The following CDH18 variants were observed in gnomAD, a reference collection of about 807,000 sequenced individuals.
CDH18 encodes cadherin-18.
A neutral mutation model predicts 67.9 loss-of-function variants in CDH18; 31 were observed. That is an observed-to-expected ratio of 0.46 (90% CI 0.34 to 0.62). The LOEUF (loss-of-function observed/expected upper bound fraction) is 0.62. CDH18 is among the 20% of genes least tolerant of loss of function. The pLI is 0.01. For missense variants in CDH18, 890 were observed against 975.5 expected (o/e 0.91, Z 1.17); for synonymous variants, 362 against 347.2 (o/e 1.04, Z -0.48).
At chr5:20,388,644 CTTTT>C (rs906656161) in intron 1 of CDH18, among the ~76,000 whole-genome samples, 36 of 152,242 alleles carry the variant, frequency 2.4e-4, no homozygotes, top group African/African-American at 8.2e-4. Context: ...TTCTCTAGTT[CTTTT>C]AATTGTGATG....
chr5:20,225,701 G>T (rs539937841), intron 2 of CDH18, among the ~76,000 whole-genome samples: 1 of 152,064 alleles, frequency 6.6e-6, no homozygotes, highest in Non-Finnish European at 1.5e-5. Context: ...GTCAAGTACA[G>T]GAGAGCAAGT....
At chr5:19,496,501 GAATTAATGCCACAGTAA>G (rs1326242724) in intron 11 of CDH18, among the ~76,000 whole-genome samples, 1 of 152,088 alleles carries the variant, frequency 6.6e-6, no homozygotes, top group Admixed American at 6.5e-5. Flanking sequence ...TCCCATGAAG[GAATTAATGCCACAGTAA>G]AAAGGGCTTT....
chr5:20,522,406 G>A (rs995149609), intron 1 of CDH18, among the ~76,000 whole-genome samples: 1 of 152,120 alleles, frequency 6.6e-6, no homozygotes, highest in Non-Finnish European at 1.5e-5. Context: ...TATATGATAA[G>A]AATGAATCTT....
At chr5:19,851,646 T>C (rs1015510252) in intron 2 of CDH18, among the ~76,000 whole-genome samples, 1 of 151,982 alleles carries the variant, frequency 6.6e-6, no homozygotes, top group Non-Finnish European at 1.5e-5. Flanking sequence ...ATTTTATGTC[T>C]CTTGTATACT....
chr5:20,330,728 C>T (rs904756285), intron 1 of CDH18, among the ~76,000 whole-genome samples: 2 of 152,226 alleles, frequency 1.3e-5, no homozygotes, highest in Non-Finnish European at 2.9e-5. Context: ...AAGAATCAGG[C>T]GAGAAGGGAT....
intron 8 of CDH18, among the ~76,000 whole-genome samples, chr5:19,569,539 C>T (rs1741003351): frequency 6.6e-6 from 1 of 151,958 alleles, no homozygotes; most frequent in Admixed American, 6.6e-5. Flanking sequence ...CTATTTCTTC[C>T]CTGGAGTTCA....
chr5:20,511,626 T>C (rs1490629373), intron 1 of CDH18, among the ~76,000 whole-genome samples: 7 of 152,226 alleles, frequency 4.6e-5, no homozygotes, highest in Non-Finnish European at 1.5e-5. Context: ...TATCATATGA[T>C]CACACCTTTC....
At chr5:19,955,273 G>A (rs1796156466) in intron 2 of CDH18, among the ~76,000 whole-genome samples, 3 of 151,968 alleles carry the variant, frequency 2.0e-5, no homozygotes, top group South Asian at 4.1e-4. Flanking sequence ...TATTAGCAGT[G>A]TAAGAAAGAC....
intron 2 of CDH18, among the ~76,000 whole-genome samples, chr5:19,914,526 T>C (rs1423032849): frequency 6.6e-6 from 1 of 152,144 alleles, no homozygotes; most frequent in East Asian, 1.9e-4. Flanking sequence ...ATACTTATAT[T>C]GTACATATAT....
At chr5:19,710,274 T>C (rs748886409) in intron 5 of CDH18, among the ~76,000 whole-genome samples, 1 of 152,202 alleles carries the variant, frequency 6.6e-6, no homozygotes, top group Non-Finnish European at 1.5e-5. Flanking sequence ...AGCATTAATA[T>C]TAGAAATGGT....
At chr5:20,530,607 C>T (rs923037435) in intron 1 of CDH18, among the ~76,000 whole-genome samples, 1 of 151,844 alleles carries the variant, frequency 6.6e-6, no homozygotes, top group African/African-American at 2.4e-5. Context: ...ATCTGATCTC[C>T]AACAAACCTG....
chr5:20,391,602 GATTT>G (rs913549295), intron 1 of CDH18, among the ~76,000 whole-genome samples: 11 of 151,924 alleles, frequency 7.2e-5, no homozygotes, highest in African/African-American at 2.7e-4. Context: ...AAGTTTCACA[GATTT>G]ATTTGCTTTT....
intron 10 of CDH18, among the ~76,000 whole-genome samples, chr5:19,513,235 G>C (rs1191405920): frequency 6.6e-6 from 1 of 152,062 alleles, no homozygotes; most frequent in East Asian, 1.9e-4. Flanking sequence ...AGACTCCCAA[G>C]TAGCTGGGAT....
chr5:19,871,020 A>T (rs1482780692), intron 2 of CDH18, among the ~76,000 whole-genome samples: 1 of 152,152 alleles, frequency 6.6e-6, no homozygotes, highest in African/African-American at 2.4e-5. Flanking sequence ...CTTAACCTGT[A>T]TTATCTCATC....
chr5:20,388,849 T>C (rs1445383670), intron 1 of CDH18, among the ~76,000 whole-genome samples: 2 of 152,204 alleles, frequency 1.3e-5, no homozygotes, highest in East Asian at 1.9e-4. Flanking sequence ...TTCCATGTAT[T>C]TGAGCGGTTT....
At position 19,764,507 on chromosome 5, in the gene CDH18, T is replaced by C. The variant is rs960849486; in HGVS notation, c.229-17271A>G. ...AAACACATATAAAGTTAGGGAAGAA[T>C]ATAACCAAGGCATGAGTCACTTGAG... On this transcript the variant is annotated intron_variant, in intron 3 of 12. Coordinates refer to ENST00000382275, the MANE Select transcript of CDH18 (RefSeq NM_004934.5). 7.2e-5 allele frequency among the ~76,000 whole-genome samples: 11 copies of C among 151,920 alleles called. No homozygotes were observed. In the South Asian group the frequency reaches 1.9e-3, roughly 26 times the overall value.
chr5:19,691,640 C>T (rs768088954), intron 5 of CDH18, among the ~76,000 whole-genome samples: 12 of 151,680 alleles, frequency 7.9e-5, no homozygotes, highest in Non-Finnish European at 1.2e-4. Flanking sequence ...TTTACAATAG[C>T]TATAAAAATA....
intron 1 of CDH18, among the ~76,000 whole-genome samples, chr5:20,324,383 AC>A (rs1269820880): frequency 6.6e-6 from 1 of 152,174 alleles, no homozygotes; most frequent in Non-Finnish European, 1.5e-5. Flanking sequence ...ATTAAAAAAT[AC>A]AAAAAAATTA....
At chr5:20,125,147 A>AAC (rs1748712662) in intron 2 of CDH18, among the ~76,000 whole-genome samples, 1 of 152,250 alleles carries the variant, frequency 6.6e-6, no homozygotes, top group South Asian at 2.1e-4. Flanking sequence ...TACTTCCTAC[A>AAC]ACACATCTGC....
Sources: gnomAD v4.1 joint callset for allele counts (sites outside exome capture counted in the v4.1 genomes callset) on GRCh38, gnomAD v4.1.1 for gene constraint, MANE v1.5 for transcripts, NCBI Gene and HGNC (gene_info 2026-07-23, HGNC 2026-07-21) for gene names.